The following OPRM1 variants were observed in gnomAD, a reference collection of about 807,000 sequenced individuals.
OPRM1 encodes mu-type opioid receptor.
A neutral mutation model predicts 31.8 loss-of-function variants in OPRM1; 27 were observed. The observed-to-expected ratio is 0.85, with a 90% CI of 0.63 to 1.17. The LOEUF (loss-of-function observed/expected upper bound fraction) is 1.17, where lower values mean the gene tolerates loss of function less well. OPRM1 is among the 50% of genes most tolerant of loss of function. The pLI is 0.00. For missense variants in OPRM1, 536 were observed against 511.1 expected (o/e 1.05, Z -0.47); for synonymous variants, 196 against 189.9 (o/e 1.03, Z -0.26).
At chr6:154,211,713 A>C (rs1391240799) in intron 3 of OPRM1, among the ~76,000 whole-genome samples, 1 of 152,242 alleles carries the variant, frequency 6.6e-6, no homozygotes, top group African/African-American at 2.4e-5. Flanking sequence ...AAAAAAGATT[A>C]AAAGTGACAT....
intron 3 of OPRM1, chr6:154,093,557 T>G (rs1792804754): frequency 1.3e-6 from 2 of 1,538,464 alleles, no homozygotes; most frequent in South Asian, 2.6e-5. Context: ...AGAAGCTAAT[T>G]GGAGGAGTTC....
intron 3 of OPRM1, among the ~76,000 whole-genome samples, chr6:154,236,165 G>A (rs150293479): frequency 2.0e-5 from 3 of 152,290 alleles, no homozygotes; most frequent in Non-Finnish European, 4.4e-5. Flanking sequence ...ACAAATATGA[G>A]TCAATAAACA....
intron 3 of OPRM1, among the ~76,000 whole-genome samples, chr6:154,211,528 G>T (rs1311351016): frequency 6.6e-6 from 1 of 152,002 alleles, no homozygotes; most frequent in Non-Finnish European, 1.5e-5. Flanking sequence ...CTGAACCTCA[G>T]TTTCCTTAAC....
At chr6:154,237,245 T>C (rs1384443958) in intron 3 of OPRM1, among the ~76,000 whole-genome samples, 2 of 152,210 alleles carry the variant, frequency 1.3e-5, no homozygotes, top group African/African-American at 2.4e-5. Flanking sequence ...GCTTGGGAAA[T>C]GTGCCCACAC....
At chr6:154,047,343 A>G (rs1321933142) in intron 1 of OPRM1, among the ~76,000 whole-genome samples, 1 of 152,104 alleles carries the variant, frequency 6.6e-6, no homozygotes, top group Non-Finnish European at 1.5e-5. Context: ...AAGACAAGGA[A>G]TGAAAAACAG....
intron 3 of OPRM1, among the ~76,000 whole-genome samples, chr6:154,174,220 G>A (rs928335281): frequency 2.0e-5 from 3 of 152,148 alleles, no homozygotes; most frequent in Non-Finnish European, 4.4e-5. Context: ...GCAAAAACAT[G>A]CCAAATTGTA....
chr6:154,246,455 T>C (rs1408980272), intron 3 of OPRM1: 3 of 1,031,714 alleles, frequency 2.9e-6, no homozygotes, highest in Non-Finnish European at 4.2e-6. Context: ...CAGAAATGGC[T>C]TCTATAACTT....
chr6:154,030,355 A>G (rs1287438136), intron 1 of OPRM1, among the ~76,000 whole-genome samples: 1 of 152,152 alleles, frequency 6.6e-6, no homozygotes, highest in Non-Finnish European at 1.5e-5. Flanking sequence ...TTTTATACCC[A>G]GAAAAATTTT....
intron 1 of OPRM1, chr6:154,074,391 C>T (rs1787414615): frequency 6.6e-6 from 1 of 152,118 alleles, no homozygotes; most frequent in Non-Finnish European, 1.5e-5. Flanking sequence ...TTTTGGCGTT[C>T]AGGATTTTAT....
intron 3 of OPRM1, among the ~76,000 whole-genome samples, chr6:154,198,991 A>T (rs1288534919): frequency 6.6e-6 from 1 of 152,254 alleles, no homozygotes; most frequent in Non-Finnish European, 1.5e-5. Context: ...GAACAGTAAT[A>T]AAAATAAGTT....
intron 1 of OPRM1, among the ~76,000 whole-genome samples, chr6:154,087,981 A>G (rs1190204662): frequency 2.0e-5 from 3 of 152,216 alleles, no homozygotes; most frequent in African/African-American, 7.2e-5. Context: ...CAGGAGGAAG[A>G]AAAGCATATG....
chr6:154,215,066 T>G (rs1778277960), intron 3 of OPRM1, among the ~76,000 whole-genome samples: 1 of 152,222 alleles, frequency 6.6e-6, no homozygotes, highest in Admixed American at 6.5e-5. Context: ...GGATCTTGCT[T>G]ATTTCTGTAC....
intron 1 of OPRM1, among the ~76,000 whole-genome samples, chr6:154,065,057 G>A (rs1288494547): frequency 6.6e-6 from 1 of 151,820 alleles, no homozygotes; most frequent in Non-Finnish European, 1.5e-5. Context: ...AGATTGCATT[G>A]AATCTGAAGA....
At chr6:154,104,928 G>C (rs559130119) in intron 3 of OPRM1, among the ~76,000 whole-genome samples, 68 of 152,288 alleles carry the variant, frequency 4.5e-4, no homozygotes, top group Non-Finnish European at 8.1e-4. Flanking sequence ...TTCTGGACCT[G>C]ACAGAAAATG....
chr6:154,219,980 T>C (rs1778725138), intron 3 of OPRM1, among the ~76,000 whole-genome samples: 2 of 135,160 alleles, frequency 1.5e-5, no homozygotes, highest in African/African-American at 6.0e-5. Flanking sequence ...CGGATACCTG[T>C]AAGGAGTGTG....
At chr6:154,165,267 A>G (rs999326187) in intron 3 of OPRM1, among the ~76,000 whole-genome samples, 3 of 152,176 alleles carry the variant, frequency 2.0e-5, no homozygotes, top group South Asian at 2.1e-4. Flanking sequence ...CCCAGCACTC[A>G]GAAGCTCCAT....
intron 3 of OPRM1, among the ~76,000 whole-genome samples, chr6:154,203,403 G>T (rs1777232388): frequency 6.6e-6 from 1 of 152,118 alleles, no homozygotes; most frequent in Admixed American, 6.5e-5. Context: ...GTTGTCCCTT[G>T]AACAGTAGGG....
intron 1 of OPRM1, among the ~76,000 whole-genome samples, chr6:154,054,235 G>A (rs1237718489): frequency 3.9e-5 from 6 of 151,924 alleles, no homozygotes; most frequent in Admixed American, 6.6e-5. Context: ...CGGGCATGGC[G>A]GCATGCACCT....
intron 1 of OPRM1, among the ~76,000 whole-genome samples, chr6:154,059,365 C>A (rs1459243155): frequency 6.6e-6 from 1 of 152,132 alleles, no homozygotes; most frequent in Non-Finnish European, 1.5e-5. Flanking sequence ...CAATTGTGAT[C>A]TAAAGGTGCT....
Sources: gnomAD v4.1 joint callset for allele counts (sites outside exome capture counted in the v4.1 genomes callset) on GRCh38, gnomAD v4.1.1 for gene constraint, MANE v1.5 for transcripts, NCBI Gene and HGNC (gene_info 2026-07-23, HGNC 2026-07-21) for gene names.